The following SLC9B1 variants were observed in gnomAD, a reference collection of about 807,000 sequenced individuals.
The protein encoded by SLC9B1 is sodium/hydrogen exchanger 9B1.
A neutral mutation model predicts 51.7 loss-of-function variants in SLC9B1; 32 were observed. That is an observed-to-expected ratio of 0.62 (90% CI 0.47 to 0.83). The LOEUF (loss-of-function observed/expected upper bound fraction) is 0.83, where lower values mean the gene tolerates loss of function less well. Among genes scored for constraint, SLC9B1 ranks in the 40% least tolerant of loss-of-function variants. SLC9B1 has a pLI of 0.00. For missense variants in SLC9B1, 406 were observed against 613.2 expected (o/e 0.66, Z 3.57); for synonymous variants, 145 against 212.7 (o/e 0.68, Z 2.77).
intron 1 of SLC9B1, among the ~76,000 whole-genome samples, chr4:103,003,661 C>T (rs184007316): frequency 1.4e-4 from 21 of 152,210 alleles, no homozygotes; most frequent in Non-Finnish European, 2.5e-4. Flanking sequence ...TGCCACTACC[C>T]CAGTGAAGCA....
chr4:103,017,917 C>G (rs1741476050), intron 1 of SLC9B1, among the ~76,000 whole-genome samples: 1 of 152,202 alleles, frequency 6.6e-6, no homozygotes, highest in African/African-American at 2.4e-5. Flanking sequence ...CTAAGCAAGT[C>G]ACTTGACTTC....
intron 1 of SLC9B1, among the ~76,000 whole-genome samples, chr4:103,008,794 TTTC>T (rs1341833715): frequency 5.6e-4 from 64 of 115,110 alleles, no homozygotes; most frequent in Admixed American, 3.0e-3. Flanking sequence ...GCTTTAACAG[TTTC>T]TTTTTTTTTT....
At chr4:103,003,233 T>C (rs1287708020) in intron 1 of SLC9B1, among the ~76,000 whole-genome samples, 1 of 152,220 alleles carries the variant, frequency 6.6e-6, no homozygotes, top group South Asian at 2.1e-4. Context: ...TAAAACCTTC[T>C]ATCATCTGAA....
At chr4:102,968,498 TC>T (rs1263048500) in intron 3 of SLC9B1, among the ~76,000 whole-genome samples, 2 of 152,234 alleles carry the variant, frequency 1.3e-5, no homozygotes, top group Non-Finnish European at 2.9e-5. Flanking sequence ...AAATTGGACT[TC>T]ATCAAAATGA....
intron 11 of SLC9B1, among the ~76,000 whole-genome samples, chr4:102,902,511 A>G (rs1244478629): frequency 6.6e-6 from 1 of 152,180 alleles, no homozygotes; most frequent in Non-Finnish European, 1.5e-5. Flanking sequence ...TTTGAACATA[A>G]AAGAACTTCC....
intron 3 of SLC9B1, among the ~76,000 whole-genome samples, chr4:102,975,084 C>T (rs2110503351): frequency 6.6e-6 from 1 of 152,320 alleles, no homozygotes; most frequent in African/African-American, 2.4e-5. Context: ...CTCACAGCAT[C>T]CTTGAACTCC....
chr4:102,909,189 G>T (rs1344142690), intron 9 of SLC9B1, among the ~76,000 whole-genome samples: 1 of 152,068 alleles, frequency 6.6e-6, no homozygotes, highest in Non-Finnish European at 1.5e-5. Flanking sequence ...CCAGCTAGGT[G>T]TGGTAGCTCA....
chr4:102,932,755 A>C (rs1167766268), intron 6 of SLC9B1, among the ~76,000 whole-genome samples: 3 of 152,244 alleles, frequency 2.0e-5, no homozygotes, highest in Non-Finnish European at 4.4e-5. Context: ...CCAAGCCCTG[A>C]AATGGCAGAT....
intron 1 of SLC9B1, among the ~76,000 whole-genome samples, chr4:102,995,066 AGAC>A (rs1420714082): frequency 3.9e-5 from 6 of 152,378 alleles, no homozygotes; most frequent in Non-Finnish European, 8.8e-5. Flanking sequence ...CTGAATAGAC[AGAC>A]TGGGAGTTAG....
intron 1 of SLC9B1, among the ~76,000 whole-genome samples, chr4:103,015,281 CAA>C (rs201798527): frequency 2.5e-3 from 166 of 67,726 alleles, no homozygotes; most frequent in Non-Finnish European, 3.5e-3. Flanking sequence ...ATGTATGGAC[CAA>C]AAAAAAAAAA....
downstream of SLC9B1, chr4:102,897,823 C>A: frequency 4.7e-6 from 2 of 424,492 alleles, no homozygotes; most frequent in East Asian, 6.2e-5. Flanking sequence ...CTGCAGTTGC[C>A]GCTACTGCTA....
At chr4:102,896,088 T>G (rs1490236562), downstream of SLC9B1, among the ~76,000 whole-genome samples, 1 of 152,202 alleles carries the variant, frequency 6.6e-6, no homozygotes, top group Non-Finnish European at 1.5e-5. Flanking sequence ...AGATAAACCC[T>G]AGGCTGTAAA....
At chr4:102,898,907 T>G (rs1392225575), downstream of SLC9B1, among the ~76,000 whole-genome samples, 1 of 152,098 alleles carries the variant, frequency 6.6e-6, no homozygotes, top group African/African-American at 2.4e-5. Context: ...TTTTGTATTT[T>G]TATTTTTTTT....
At chr4:102,967,455 T>C (rs896628700) in intron 3 of SLC9B1, among the ~76,000 whole-genome samples, 1 of 152,188 alleles carries the variant, frequency 6.6e-6, no homozygotes, top group Non-Finnish European at 1.5e-5. Flanking sequence ...CTTGCAGTTC[T>C]GCAGGCTGGA....
At chr4:102,932,865 C>T (rs796713243) in intron 6 of SLC9B1, among the ~76,000 whole-genome samples, 1 of 152,132 alleles carries the variant, frequency 6.6e-6, no homozygotes, top group South Asian at 2.1e-4. Context: ...ACATTTCCTA[C>T]CTCTTGAGTA....
At chr4:103,008,320 T>C (rs2110538074) in intron 1 of SLC9B1, among the ~76,000 whole-genome samples, 1 of 152,304 alleles carries the variant, frequency 6.6e-6, no homozygotes, top group Non-Finnish European at 1.5e-5. Flanking sequence ...CATTTTCACC[T>C]TGGTTTTTTA....
chr4:103,016,946 C>G (rs1407008111), intron 1 of SLC9B1: 3 of 152,180 alleles, frequency 2.0e-5, no homozygotes, highest in African/African-American at 7.2e-5. Flanking sequence ...GTTCCTTGCA[C>G]TCTGCACAGA....
rs567257532 is a variant in SLC9B1, at chr4:102,987,537, CAT to C, written c.211+2261_211+2262del. On this transcript the variant is annotated intron_variant, in intron 3 of 11. Transcript: ENST00000296422. Reference sequence around the variant, plus strand: ...TAAGTTGGTTAGGCTCTGATAAAAACATGTGTAGGTTAGGCTCTGATAAAAAA... The same window carrying C: ...TAAGTTGGTTAGGCTCTGATAAAAACGTGTAGGTTAGGCTCTGATAAAAAA... Among the ~76,000 whole-genome samples the C allele has an allele frequency of 2.5e-3, 375 of 152,190 alleles. 1 individual carries two copies. Among genetic ancestry groups the C allele is most frequent in the Middle Eastern group, 6.8e-3 (2 of 294 alleles).
At chr4:102,989,182 A>G (rs1247464426) in intron 3 of SLC9B1, among the ~76,000 whole-genome samples, 3 of 152,044 alleles carry the variant, frequency 2.0e-5, no homozygotes, top group African/African-American at 7.2e-5. Context: ...AAAATTTAAA[A>G]CTTCAATTAC....
Sources: gnomAD v4.1 joint callset for allele counts (sites outside exome capture counted in the v4.1 genomes callset) on GRCh38, gnomAD v4.1.1 for gene constraint, MANE v1.5 for transcripts, NCBI Gene and HGNC (gene_info 2026-07-23, HGNC 2026-07-21) for gene names.